The following ITPR2 variants were observed in gnomAD, a reference collection of about 807,000 sequenced individuals.
The protein encoded by ITPR2 is inositol 1,4,5-trisphosphate receptor type 2, also known as inositol 1,4,5-trisphosphate-gated calcium channel ITPR2.
A neutral mutation model predicts 317.1 loss-of-function variants in ITPR2; 207 were observed. The ratio of observed to expected loss-of-function variants is 0.65; its 90% CI spans 0.58 to 0.73. ITPR2 has a LOEUF of 0.73. Ranked by LOEUF, ITPR2 falls within the 30% of genes least tolerant of loss-of-function variation. The pLI, the probability that ITPR2 is intolerant of heterozygous loss-of-function variation, is 0.00. For missense variants in ITPR2, 2,613 were observed against 3,284.0 expected, an observed-to-expected ratio of 0.80 and a Z score of 4.99; for synonymous variants, 1,156 against 1,149.1, an observed-to-expected ratio of 1.01 and a Z score of -0.12.
intron 37 of ITPR2, among the ~76,000 whole-genome samples, chr12:26,518,693 A>T (rs1366664095): frequency 4.3e-4 from 65 of 152,210 alleles, no homozygotes; most frequent in Admixed American, 4.3e-3. Flanking sequence ...TGGTGTAACG[A>T]GGTTGAAAAG....
At chr12:26,387,972 GA>G (rs376571471) in intron 54 of ITPR2, among the ~76,000 whole-genome samples, 7,652 of 148,694 alleles carry the variant, frequency 0.051, 238 homozygotes, top group Non-Finnish European at 0.065. Flanking sequence ...AATCAGGACA[GA>G]AAAAAAAAAT....
chr12:26,556,566 T>TTTGTGTGTGTGTGTGTGTG (rs370599538), intron 35 of ITPR2, among the ~76,000 whole-genome samples, 191 bp from the exon 36 acceptor site: 4 of 136,198 alleles, frequency 2.9e-5, no homozygotes, highest in African/African-American at 8.5e-5. Context: ...ATTTTTTTTT[T>TTTGTGTGTGTGTGTGTGTG]TGTGTGTGTG....
In ITPR2 at chr12:26,453,555, T is replaced by C. The variant is rs574822548; in HGVS notation, c.6343-9905A>G. 2.0e-5 allele frequency among the ~76,000 whole-genome samples: 3 copies of C among 152,350 alleles called. No homozygotes were observed. In the South Asian group the frequency reaches 6.2e-4, roughly 32 times the overall value. On this transcript the variant is annotated intron_variant, in intron 45 of 56. Coordinates refer to ENST00000381340, the MANE Select transcript of ITPR2 (RefSeq NM_002223.4). Reference sequence around the variant, plus strand: ...AATGATGTACACTAGGAGTTTTTGCTTTCGTTATATAGAACTGATGGAAAA... The same window carrying C: ...AATGATGTACACTAGGAGTTTTTGCCTTCGTTATATAGAACTGATGGAAAA...
chr12:26,629,720 GTCTC>G (rs1388347193), intron 22 of ITPR2, among the ~76,000 whole-genome samples: 1 of 151,416 alleles, frequency 6.6e-6, no homozygotes, highest in Non-Finnish European at 1.5e-5. Flanking sequence ...GTCTGTCTCA[GTCTC>G]TCTCTTTCTC....
chr12:26,473,975 G>A (rs1037068034), intron 45 of ITPR2, among the ~76,000 whole-genome samples: 1 of 152,170 alleles, frequency 6.6e-6, no homozygotes, highest in African/African-American at 2.4e-5. Context: ...CATTATGAGA[G>A]ACCTTAAAAT....
intron 1 of ITPR2, among the ~76,000 whole-genome samples, chr12:26,819,521 C>T (rs971982176): frequency 6.6e-6 from 1 of 152,124 alleles, no homozygotes; most frequent in Non-Finnish European, 1.5e-5. Context: ...ACTATAAATT[C>T]CCCAACTACT....
chr12:26,534,507 C>T (rs1265717976), intron 37 of ITPR2, among the ~76,000 whole-genome samples: 1 of 152,118 alleles, frequency 6.6e-6, no homozygotes, highest in African/African-American at 2.4e-5. Context: ...AATTTCATCA[C>T]TTATCAATGA....
chr12:26,581,543 T>C (rs572750221), intron 32 of ITPR2, among the ~76,000 whole-genome samples: 3 of 152,192 alleles, frequency 2.0e-5, no homozygotes, highest in Non-Finnish European at 4.4e-5. Flanking sequence ...ATACACAAGA[T>C]GTTCAACAAA....
At chr12:26,741,071 G>A (rs181345662) in intron 2 of ITPR2, among the ~76,000 whole-genome samples, 216 of 152,238 alleles carry the variant, frequency 1.4e-3, no homozygotes, top group African/African-American at 4.6e-3. Flanking sequence ...GCTCTTTTCC[G>A]AGGAACTCTG....
At chr12:26,391,480 CAACGGCAAGCTTTA>C (rs979305777) in intron 54 of ITPR2, among the ~76,000 whole-genome samples, 1 of 148,026 alleles carries the variant, frequency 6.8e-6, no homozygotes, top group African/African-American at 2.5e-5. Context: ...CTGGCAGAAA[CAACGGCAAGCTTTA>C]AACTCAAAGC....
chr12:26,587,446 G>T (rs1007747535), intron 32 of ITPR2, among the ~76,000 whole-genome samples: 1 of 152,118 alleles, frequency 6.6e-6, no homozygotes, highest in African/African-American at 2.4e-5. Flanking sequence ...TAAAGGAAAA[G>T]GAAGAAGTTA....
chr12:26,516,321 GGAAAGGAAAGGA>G (rs1943514805), intron 37 of ITPR2, among the ~76,000 whole-genome samples: 1 of 146,322 alleles, frequency 6.8e-6, no homozygotes, highest in South Asian at 2.2e-4. Flanking sequence ...GGAAAGGAAA[GGAAAGGAAAGGA>G]AAGGAAAGGA....
At chr12:26,621,612 T>C (rs1468484522) in intron 25 of ITPR2, among the ~76,000 whole-genome samples, 1 of 152,206 alleles carries the variant, frequency 6.6e-6, no homozygotes, top group Admixed American at 6.5e-5. Flanking sequence ...TACAAGTTTT[T>C]ATTTTCTTAT....
intron 9 of ITPR2, among the ~76,000 whole-genome samples, chr12:26,707,613 C>T (rs545780402): frequency 2.6e-5 from 4 of 152,304 alleles, no homozygotes; most frequent in Admixed American, 1.3e-4. Context: ...CTCACTGCAA[C>T]CTCCACCTCC....
intron 26 of ITPR2, among the ~76,000 whole-genome samples, chr12:26,606,406 T>C (rs993955568): frequency 3.3e-5 from 5 of 152,190 alleles, no homozygotes; most frequent in African/African-American, 1.2e-4. Flanking sequence ...AGCTGTATTT[T>C]TAATTGCATA....
intron 1 of ITPR2, among the ~76,000 whole-genome samples, chr12:26,806,848 C>A (rs1461067136): frequency 6.6e-6 from 1 of 152,142 alleles, no homozygotes; most frequent in Non-Finnish European, 1.5e-5. Flanking sequence ...CCCATTGCAA[C>A]CATCTTAATT....
chr12:26,597,787 T>C (rs1945886561), intron 30 of ITPR2, among the ~76,000 whole-genome samples: 1 of 152,224 alleles, frequency 6.6e-6, no homozygotes, highest in South Asian at 2.1e-4. Context: ...GGTGGCAGTT[T>C]TATTGTTCAA....
chr12:26,744,574 A>G (rs368332150), intron 2 of ITPR2, among the ~76,000 whole-genome samples: 13 of 152,346 alleles, frequency 8.5e-5, no homozygotes, highest in South Asian at 2.1e-4. Context: ...TAGGTGCTCA[A>G]TGAATGTTTC....
chr12:26,570,272 T>C (rs1258667618), intron 34 of ITPR2, among the ~76,000 whole-genome samples: 3 of 152,186 alleles, frequency 2.0e-5, no homozygotes, highest in African/African-American at 7.2e-5. Context: ...AAAATTAGAA[T>C]AATGCATTTC....
Sources: gnomAD v4.1 joint callset for allele counts (sites outside exome capture counted in the v4.1 genomes callset) on GRCh38, gnomAD v4.1.1 for gene constraint, MANE v1.5 for transcripts, NCBI Gene and HGNC (gene_info 2026-07-23, HGNC 2026-07-21) for gene names.